Variants in MYO16 observed in about 807,000 individuals in gnomAD.
MYO16 encodes unconventional myosin-XVI.
In MYO16, 94 loss-of-function variants were observed where a neutral mutation model predicts 205.3. The observed-to-expected ratio is 0.46, with a 90% confidence interval of 0.39 to 0.54. The LOEUF is 0.54. Among genes scored for constraint, MYO16 ranks in the 20% least tolerant of loss-of-function variants. MYO16 has a pLI of 0.00. For synonymous variants in MYO16, 988 were observed against 954.0 expected (o/e 1.04, Z -0.66); for missense variants, 2,315 against 2,387.5 (o/e 0.97, Z 0.63).
chr13:108,749,311 T>C (rs532240676), intron 4 of MYO16, among the ~76,000 whole-genome samples: 75 of 152,246 alleles, frequency 4.9e-4, no homozygotes, highest in African/African-American at 1.6e-3. Flanking sequence ...ACATCTCAAT[T>C]CCCCCAACTC....
chr13:108,768,023 G>A (rs1276889651), intron 4 of MYO16, among the ~76,000 whole-genome samples: 4 of 152,120 alleles, frequency 2.6e-5, no homozygotes, highest in African/African-American at 7.2e-5. Flanking sequence ...ACAGTTGTCT[G>A]TAGTTTGCAA....
At chr13:109,108,721 T>G (rs1219598785) in intron 28 of MYO16, among the ~76,000 whole-genome samples, 1 of 152,194 alleles carries the variant, frequency 6.6e-6, no homozygotes, top group Non-Finnish European at 1.5e-5. Flanking sequence ...GGAGGGTTCC[T>G]GACCTAGACA....
chr13:109,077,772 T>G (rs769408004), intron 27 of MYO16, among the ~76,000 whole-genome samples: 21 of 152,230 alleles, frequency 1.4e-4, no homozygotes, highest in Non-Finnish European at 1.3e-4. Context: ...TGTAGTTCCT[T>G]CATGCTTCTT....
intron 16 of MYO16, among the ~76,000 whole-genome samples, chr13:108,910,788 C>T (rs1256439491): frequency 3.3e-5 from 5 of 152,044 alleles, no homozygotes; most frequent in Admixed American, 2.6e-4. Context: ...GGAAATGAAT[C>T]CTGTTCTGAA....
the MYO16 span, among the ~76,000 whole-genome samples, chr13:108,586,092 T>A: frequency 3.3e-5 from 5 of 152,108 alleles, no homozygotes; most frequent in African/African-American, 1.2e-4. Context: ...TTAAATGATA[T>A]TATATTTATG....
chr13:108,925,642 C>G (rs1054957751), intron 16 of MYO16, among the ~76,000 whole-genome samples: 1 of 152,118 alleles, frequency 6.6e-6, no homozygotes, highest in East Asian at 1.9e-4. Flanking sequence ...ATTCTTGGCT[C>G]TCATCCTTCC....
intron 1 of MYO16, among the ~76,000 whole-genome samples, chr13:108,658,847 A>T (rs1881360509): frequency 6.6e-6 from 1 of 152,108 alleles, no homozygotes; most frequent in Non-Finnish European, 1.5e-5. Context: ...GAATTCTTGG[A>T]AAAGAATGTT....
At position 108,768,525 on chromosome 13, in the gene MYO16, T is replaced by C. The variant is rs191638289; in HGVS notation, c.508-17110T>C. On this transcript the variant is annotated intron_variant, in intron 4 of 34. Transcript: ENST00000457511. ...AAAACATAGAATAATTTTGGTCAAA[T>C]TAATTTGAAAATATAATATTTGAAA... 3.3e-3 allele frequency among the ~76,000 whole-genome samples: 509 copies of C among 152,330 alleles called. 1 individual carries two copies. Among genetic ancestry groups the C allele is most frequent in the African/African-American group, 0.011 (472 of 41,556 alleles).
intron 16 of MYO16, among the ~76,000 whole-genome samples, chr13:108,950,882 G>A (rs759535300): frequency 1.5e-4 from 23 of 152,160 alleles, no homozygotes; most frequent in Admixed American, 2.0e-4. Context: ...CAGTTTAGCC[G>A]TACACAGCAT....
At chr13:108,915,264 T>C (rs1435049163) in intron 16 of MYO16, among the ~76,000 whole-genome samples, 1 of 152,200 alleles carries the variant, frequency 6.6e-6, no homozygotes, top group Non-Finnish European at 1.5e-5. Context: ...AAAAAGTCTG[T>C]AGGTTTCTAT....
intron 28 of MYO16, chr13:109,101,161 T>G (rs1469120723): frequency 2.9e-6 from 1 of 340,926 alleles, no homozygotes; most frequent in Non-Finnish European, 5.6e-6. Context: ...GTGTGTCAGA[T>G]TCATACCTTG....
intron 1 of MYO16, among the ~76,000 whole-genome samples, chr13:108,622,719 G>A (rs989619669): frequency 6.6e-6 from 1 of 151,938 alleles, no homozygotes; most frequent in Non-Finnish European, 1.5e-5. Flanking sequence ...GGTAAGAGGA[G>A]AGGCCAAAAT....
rs187690668 is a variant in MYO16 at position 108,722,453 on chromosome 13, C to A, written c.364-4987C>A. Among the ~76,000 whole-genome samples, 319 of 152,298 alleles carry A rather than the reference C, an allele frequency of 2.1e-3. 3 individuals are homozygous for A. The highest frequency in any genetic ancestry group is 7.3e-3 in the African/African-American group (304 of 41,554). On this transcript the variant is annotated intron_variant, in intron 3 of 34. Coordinates refer to ENST00000457511, the MANE Select transcript of MYO16 (RefSeq NM_001198950.3). ...TATTTATTGCTGTCAAATTATTATT[C>A]ATAATCCTCTGAAATGTGATTCCCA...
At chr13:108,554,846 A>T in the MYO16 span, among the ~76,000 whole-genome samples, 7,493 of 90,788 alleles carry the variant, frequency 0.083, 642 homozygotes, top group African/African-American at 0.27. Context: ...AGAGACTCTG[A>T]CTAAAAAAAA....
the MYO16 span, among the ~76,000 whole-genome samples, chr13:108,565,938 C>G: frequency 2.4e-4 from 36 of 149,216 alleles, no homozygotes; most frequent in African/African-American, 8.3e-4. Flanking sequence ...TTTGCTAATG[C>G]TTTGTTGAGG....
chr13:108,561,194 A>T, the MYO16 span, among the ~76,000 whole-genome samples: 1 of 152,252 alleles, frequency 6.6e-6, no homozygotes, highest in Non-Finnish European at 1.5e-5. Context: ...AAATACATTG[A>T]TCAGGTATAA....
intron 8 of MYO16, among the ~76,000 whole-genome samples, chr13:108,821,707 T>C (rs1193281544): frequency 6.6e-6 from 1 of 152,088 alleles, no homozygotes; most frequent in African/African-American, 2.4e-5. Context: ...CAAACAGATG[T>C]CCAGGCATGG....
chr13:108,558,153 A>G, the MYO16 span, among the ~76,000 whole-genome samples: 1 of 152,312 alleles, frequency 6.6e-6, no homozygotes, highest in Non-Finnish European at 1.5e-5. Flanking sequence ...TTTCTCTCCT[A>G]GCAAAGATAA....
chr13:108,897,001 A>G (rs1266879356), intron 14 of MYO16, among the ~76,000 whole-genome samples: 3 of 152,100 alleles, frequency 2.0e-5, no homozygotes, highest in African/African-American at 7.2e-5. Flanking sequence ...GTCTCAAAAA[A>G]TAAAATAAAA....
Sources: gnomAD v4.1 joint callset for allele counts (sites outside exome capture counted in the v4.1 genomes callset) on GRCh38, gnomAD v4.1.1 for gene constraint, MANE v1.5 for transcripts, NCBI Gene and HGNC (gene_info 2026-07-23, HGNC 2026-07-21) for gene names.